The following LRCH1 variants were observed in gnomAD, a reference collection of about 807,000 sequenced individuals.
LRCH1 encodes leucine rich repeats and calponin homology domain containing 1, also known as leucine-rich repeat and calponin homology domain-containing protein 1.
Under a neutral mutation model 94.9 loss-of-function variants are expected in LRCH1, and 23 were observed. The observed-to-expected ratio is 0.24, with a 90% CI of 0.17 to 0.34. The LOEUF is 0.34. Ranked by LOEUF, LRCH1 falls within the 10% of genes least tolerant of loss-of-function variation. The pLI is 1.00. For missense variants in LRCH1, 790 were observed against 945.9 expected (o/e 0.84, Z 2.16); for synonymous variants, 364 against 354.9 (o/e 1.03, Z -0.29).
chr13:46,693,910 A>G (rs1019588357), intron 8 of LRCH1, among the ~76,000 whole-genome samples: 5 of 132,898 alleles, frequency 3.8e-5, no homozygotes, highest in African/African-American at 1.3e-4. Flanking sequence ...ATTTGCTCTT[A>G]TTCATGATAG....
In LRCH1 at chr13:46,712,706, C is replaced by T. The variant is rs546954771; in HGVS notation, c.1654+109C>T. 39 of 1,018,134 alleles carry T rather than the reference C, an allele frequency of 3.8e-5. No individual in the cohort carries two copies. In the African/African-American group the frequency reaches 5.7e-4, roughly 15 times the overall value. 63.1% of individuals were successfully genotyped at this position (1,018,134 alleles called of 1,614,324 possible). ...GCACATCCTTGTCAGTTCTGCTGAG[C>T]CGAAATCCTGGCATCTACAGCTAGG... On this transcript the variant is annotated intron_variant, in intron 15 of 19. Transcript: ENST00000389797.
chr13:46,567,043 T>G (rs1464528574), intron 1 of LRCH1, among the ~76,000 whole-genome samples: 1 of 152,228 alleles, frequency 6.6e-6, no homozygotes, highest in Non-Finnish European at 1.5e-5. Flanking sequence ...GGTATAAACT[T>G]TTCTTGTTAG....
downstream of LRCH1, among the ~76,000 whole-genome samples, chr13:46,747,155 G>A (rs1873942920): frequency 1.3e-5 from 2 of 152,070 alleles, no homozygotes; most frequent in Admixed American, 1.3e-4. Context: ...CTCATCACTA[G>A]CCATACAAGC....
At chr13:46,574,945 A>G (rs1179253868) in intron 1 of LRCH1, among the ~76,000 whole-genome samples, 2 of 151,038 alleles carry the variant, frequency 1.3e-5, no homozygotes, top group Admixed American at 1.3e-4. Flanking sequence ...AATAATAAAT[A>G]TTCTGTTTAG....
intron 1 of LRCH1, among the ~76,000 whole-genome samples, chr13:46,642,361 G>A (rs1179871060): frequency 6.6e-6 from 1 of 152,196 alleles, no homozygotes; most frequent in African/African-American, 2.4e-5. Context: ...TACAAACCTG[G>A]ATTAGTTCTT....
At chr13:46,705,662 A>G (rs771993626) in intron 13 of LRCH1, 117 of 392,060 alleles carry the variant, frequency 3.0e-4, no homozygotes, top group Middle Eastern at 7.8e-4. Context: ...TAGAGCCAAG[A>G]AAAGGTCTGG....
chr13:46,609,872 C>T lies in LRCH1; in HGVS notation c.308-40329C>T, dbSNP rs1201864007. ...GCCTGGGCTCAGGGGCTGCCAGACACACACAGCTGCCTACGGGCAGGAAGG... is the reference window on the plus strand; with the variant it reads ...GCCTGGGCTCAGGGGCTGCCAGACATACACAGCTGCCTACGGGCAGGAAGG... On this transcript the variant is annotated intron_variant, in intron 1 of 19. Transcript: ENST00000389797. Among the ~76,000 whole-genome samples the T allele has an allele frequency of 2.0e-5, 3 of 152,202 alleles. No homozygotes were observed. In the East Asian group the frequency reaches 5.8e-4, roughly 29 times the overall value.
At chr13:46,584,714 C>T (rs1356561663) in intron 1 of LRCH1, among the ~76,000 whole-genome samples, 1 of 152,208 alleles carries the variant, frequency 6.6e-6, no homozygotes. Flanking sequence ...TTGATTTCCT[C>T]TTAAGTGCTC....
exon 19 of LRCH1, chr13:46,752,140 C>T (rs186832185): frequency 2.0e-5 from 3 of 152,458 alleles, no homozygotes; most frequent in Admixed American, 2.0e-4. Flanking sequence ...CCATGCTGCT[C>T]TCAGAGATTC....
chr13:46,709,652 GA>G (rs541922595), intron 13 of LRCH1, among the ~76,000 whole-genome samples: 29 of 147,034 alleles, frequency 2.0e-4, no homozygotes, highest in Admixed American at 3.4e-4. Flanking sequence ...AAAACCTCAA[GA>G]AAAAAAAAAG....
At chr13:46,584,419 C>G (rs2050407831) in intron 1 of LRCH1, among the ~76,000 whole-genome samples, 1 of 152,178 alleles carries the variant, frequency 6.6e-6, no homozygotes, top group South Asian at 2.1e-4. Flanking sequence ...TGTATTTTAA[C>G]AAGATTTCGG....
At chr13:46,676,938 C>T (rs575249512) in intron 3 of LRCH1, among the ~76,000 whole-genome samples, 3 of 151,994 alleles carry the variant, frequency 2.0e-5, no homozygotes, top group Non-Finnish European at 4.4e-5. Context: ...CCACCATGCC[C>T]GACTAATTTT....
At chr13:46,598,372 G>C (rs2050588382) in intron 1 of LRCH1, among the ~76,000 whole-genome samples, 1 of 151,504 alleles carries the variant, frequency 6.6e-6, no homozygotes, top group Non-Finnish European at 1.5e-5. Context: ...TATAAAAATA[G>C]GCAACACAGG....
chr13:46,750,737 C>G, exon 19 of LRCH1: 1 of 811,260 alleles, frequency 1.2e-6, no homozygotes, highest in Admixed American at 2.7e-5. Flanking sequence ...ACCCTCTCTC[C>G]CACCCACTGC....
At chr13:46,573,866 A>ATATATATATATATATATAGATATATTTT in intron 1 of LRCH1, among the ~76,000 whole-genome samples, 1 of 63,420 alleles carries the variant, frequency 1.6e-5, no homozygotes, top group African/African-American at 5.2e-5. Context: ...ATATATATAT[A>ATATATATATATATATATAGATATATTTT]TTTTTTTTTT....
At chr13:46,555,920 C>G (rs1238639863) in intron 1 of LRCH1, among the ~76,000 whole-genome samples, 1 of 152,144 alleles carries the variant, frequency 6.6e-6, no homozygotes, top group East Asian at 1.9e-4. Flanking sequence ...ATTTGAGAGA[C>G]CAGAAAGCAA....
intron 1 of LRCH1, among the ~76,000 whole-genome samples, chr13:46,601,944 A>C (rs538659654): frequency 2.6e-5 from 4 of 152,182 alleles, no homozygotes; most frequent in Non-Finnish European, 4.4e-5. Context: ...CCTAAGAATT[A>C]ATAGCCTGTG....
intron 1 of LRCH1, among the ~76,000 whole-genome samples, chr13:46,596,974 A>G (rs931333051): frequency 2.0e-5 from 3 of 152,158 alleles, no homozygotes; most frequent in African/African-American, 7.2e-5. Context: ...TAGACTTCCT[A>G]TCTATTACTC....
intron 1 of LRCH1, among the ~76,000 whole-genome samples, chr13:46,558,000 G>A (rs771356500): frequency 2.0e-5 from 3 of 152,332 alleles, no homozygotes; most frequent in Admixed American, 1.3e-4. Context: ...TCGCGCCACT[G>A]CACTCCAGCC....
Sources: gnomAD v4.1 joint callset for allele counts (sites outside exome capture counted in the v4.1 genomes callset) on GRCh38, gnomAD v4.1.1 for gene constraint, MANE v1.5 for transcripts, NCBI Gene and HGNC (gene_info 2026-07-23, HGNC 2026-07-21) for gene names.